RIMS2: variants seen among roughly 807,000 people sequenced by gnomAD.
RIMS2 encodes regulating synaptic membrane exocytosis 2.
A neutral mutation model predicts 174.4 loss-of-function variants in RIMS2; 59 were observed. The ratio of observed to expected loss-of-function variants is 0.34; its 90% CI spans 0.27 to 0.42. The LOEUF (loss-of-function observed/expected upper bound fraction) is 0.42. Ranked by LOEUF, RIMS2 falls within the 10% of genes least tolerant of loss-of-function variation. RIMS2 has a pLI of 1.00. For missense variants in RIMS2, 1,620 were observed against 1,666.3 expected (o/e 0.97, Z 0.48); for synonymous variants, 606 against 572.5 (o/e 1.06, Z -0.84).
At chr8:104,227,000 CT>C (rs1366127088) in intron 19 of RIMS2, among the ~76,000 whole-genome samples, 1 of 152,092 alleles carries the variant, frequency 6.6e-6, no homozygotes, top group Non-Finnish European at 1.5e-5. Context: ...TGCCACATTC[CT>C]TTAATTTCAT....
chr8:103,703,295 T>A lies in RIMS2; in HGVS notation c.387+5999T>A, dbSNP rs1026339172. On this transcript the variant is annotated intron_variant, in intron 2 of 23. Coordinates refer to ENST00000504942, the Ensembl canonical transcript of RIMS2. ...CTCTTTTGCCCAGGCTGGAGTGCAG[T>A]GGCACAATCGTGGCTCACTGCAGCC... is the stretch of plus-strand genomic sequence containing the variant. Among the ~76,000 whole-genome samples, 8 of 152,160 alleles carry A rather than the reference T, an allele frequency of 5.3e-5. 1 individual carries two copies. Among genetic ancestry groups the A allele is most frequent in the Middle Eastern group, 3.2e-3 (1 of 316 alleles).
At chr8:103,663,674 G>A (rs1295053456) in intron 1 of RIMS2, among the ~76,000 whole-genome samples, 1 of 152,194 alleles carries the variant, frequency 6.6e-6, no homozygotes, top group Non-Finnish European at 1.5e-5. Context: ...TCATGGATAG[G>A]AAGAGTCAAT....
chr8:103,623,580 G>C (rs2095693975), intron 1 of RIMS2, among the ~76,000 whole-genome samples: 1 of 148,258 alleles, frequency 6.7e-6, no homozygotes, highest in Non-Finnish European at 1.5e-5. Context: ...CGCCTCCCGG[G>C]TTCACGCCAT....
At chr8:103,523,277 A>G (rs138378109) in intron 1 of RIMS2, among the ~76,000 whole-genome samples, 5 of 152,194 alleles carry the variant, frequency 3.3e-5, no homozygotes, top group Admixed American at 6.5e-5. Context: ...TCATCATTTG[A>G]TTTTGCATTG....
chr8:104,132,173 A>G (rs564458111), intron 19 of RIMS2, among the ~76,000 whole-genome samples: 63 of 152,168 alleles, frequency 4.1e-4, no homozygotes, highest in Non-Finnish European at 7.5e-4. Context: ...TGCATTTTAG[A>G]GTATTTGTTA....
At chr8:104,171,834 C>T (rs1295183093) in intron 19 of RIMS2, among the ~76,000 whole-genome samples, 3 of 151,936 alleles carry the variant, frequency 2.0e-5, no homozygotes, top group African/African-American at 7.3e-5. Flanking sequence ...CTTTTGTTCC[C>T]CTCTTAAGGA....
At chr8:103,753,785 C>G (rs1415480300) in intron 2 of RIMS2, among the ~76,000 whole-genome samples, 1 of 152,154 alleles carries the variant, frequency 6.6e-6, no homozygotes, top group Non-Finnish European at 1.5e-5. Context: ...TCCCCTTTCT[C>G]ATTTTTTATT....
chr8:103,607,570 C>T (rs533268362), intron 1 of RIMS2, among the ~76,000 whole-genome samples: 9 of 146,618 alleles, frequency 6.1e-5, no homozygotes, highest in Non-Finnish European at 9.0e-5. Flanking sequence ...CGGGGAAATT[C>T]TCCTGGATAA....
At chr8:104,185,388 A>G (rs2098962666) in intron 19 of RIMS2, among the ~76,000 whole-genome samples, 1 of 151,608 alleles carries the variant, frequency 6.6e-6, no homozygotes, top group African/African-American at 2.4e-5. Context: ...TATAGGTATT[A>G]TTTCCAAAGG....
chr8:103,841,528 A>G lies in RIMS2; in HGVS notation c.699-43770A>G, dbSNP rs566275535. Reference sequence around the variant, plus strand: ...TCTTCACAGCCTGATAGTACTGTCCAATCAGTGTGTAGCTCCAGAAATGTA... The same window carrying G: ...TCTTCACAGCCTGATAGTACTGTCCGATCAGTGTGTAGCTCCAGAAATGTA... On this transcript the variant is annotated intron_variant, in intron 3 of 23. Coordinates refer to ENST00000504942, the Ensembl canonical transcript of RIMS2. Among the ~76,000 whole-genome samples the G allele has an allele frequency of 1.2e-4, 18 of 152,252 alleles. No homozygotes were observed. In the South Asian group the frequency reaches 3.7e-3, roughly 32 times the overall value.
At chr8:103,658,306 T>C (rs915646090) in intron 1 of RIMS2, among the ~76,000 whole-genome samples, 2 of 152,196 alleles carry the variant, frequency 1.3e-5, no homozygotes, top group Non-Finnish European at 2.9e-5. Flanking sequence ...GAAAGACTAA[T>C]GGAGATAAAG....
Position 104,230,233 on chromosome 8 carries a change from C to T in RIMS2, c.3335-14683C>T, listed in dbSNP as rs74937323. ...GGTGGAGGTTGGGGTGAGCTGAGAT[C>T]ACTCCATTGCACTCCAGTCTGGGCA... On this transcript the variant is annotated intron_variant, in intron 19 of 23. Transcript: ENST00000504942. 1.8e-4 allele frequency among the ~76,000 whole-genome samples: 26 copies of T among 147,848 alleles called. No individual in the cohort carries two copies. The East Asian group carries it at 2.6e-3, about 15-fold the overall frequency.
chr8:103,566,550 T>C lies in RIMS2; in HGVS notation c.176+65488T>C, dbSNP rs184391566. Reference sequence around the variant, plus strand: ...CACTTAATACTTGCTTGGATATATTTACATATATTCATATTTTGTAGTGAA... The same window carrying C: ...CACTTAATACTTGCTTGGATATATTCACATATATTCATATTTTGTAGTGAA... On this transcript the variant is annotated intron_variant, in intron 1 of 23. Coordinates refer to ENST00000504942, the Ensembl canonical transcript of RIMS2. Among the ~76,000 whole-genome samples, 661 of 152,322 alleles carry C rather than the reference T, an allele frequency of 4.3e-3. 3 individuals are homozygous for C. The highest frequency in any genetic ancestry group is 0.019 in the South Asian group (92 of 4,830).
chr8:104,147,109 T>A (rs367619387), intron 19 of RIMS2, among the ~76,000 whole-genome samples: 25 of 152,310 alleles, frequency 1.6e-4, no homozygotes, highest in African/African-American at 5.5e-4. Context: ...AAGCCTTTTC[T>A]TTTTACTTTC....
At chr8:103,797,068 A>G (rs555899613) in intron 3 of RIMS2, among the ~76,000 whole-genome samples, 1 of 152,306 alleles carries the variant, frequency 6.6e-6, no homozygotes, top group African/African-American at 2.4e-5. Context: ...AAAGGAAGTG[A>G]AGAAGTAAGA....
chr8:104,024,767 G>A (rs888028702), intron 19 of RIMS2, among the ~76,000 whole-genome samples: 1 of 152,160 alleles, frequency 6.6e-6, no homozygotes, highest in African/African-American at 2.4e-5. Flanking sequence ...TATATAAAGT[G>A]TCTTAAGATT....
At chr8:104,005,974 G>A (rs766228613) in intron 17 of RIMS2, among the ~76,000 whole-genome samples, 7 of 151,922 alleles carry the variant, frequency 4.6e-5, no homozygotes, top group Non-Finnish European at 7.4e-5. Flanking sequence ...TACATGTAAG[G>A]TAGTGCTGAG....
intron 15 of RIMS2, among the ~76,000 whole-genome samples, chr8:103,974,961 G>C (rs72683109): frequency 0.13 from 19,317 of 152,130 alleles, 1,698 homozygotes; most frequent in Non-Finnish European, 0.19. Flanking sequence ...GTTTTTATGA[G>C]CTTAATAATT....
chr8:103,617,998 A>T (rs1212786834), intron 1 of RIMS2, among the ~76,000 whole-genome samples: 2 of 151,872 alleles, frequency 1.3e-5, no homozygotes, highest in Non-Finnish European at 3.0e-5. Flanking sequence ...GCAATCCCAT[A>T]GGAATATAAA....
Sources: gnomAD v4.1 joint callset for allele counts (sites outside exome capture counted in the v4.1 genomes callset) on GRCh38, gnomAD v4.1.1 for gene constraint, MANE v1.5 for transcripts, NCBI Gene and HGNC (gene_info 2026-07-23, HGNC 2026-07-21) for gene names.